The following CA10 variants were observed in gnomAD, a reference collection of about 807,000 sequenced individuals.
CA10 encodes the protein carbonic anhydrase 10 (inactive), also known as carbonic anhydrase-related protein 10.
Under a neutral mutation model 44.2 loss-of-function variants are expected in CA10, and 14 were observed. The ratio of observed to expected loss-of-function variants is 0.32; its 90% CI spans 0.21 to 0.50. The LOEUF (loss-of-function observed/expected upper bound fraction) is 0.50, where lower values mean the gene tolerates loss of function less well. CA10 is among the 20% of genes least tolerant of loss of function. The pLI, the probability that CA10 is intolerant of heterozygous loss-of-function variation, is 0.99. For synonymous variants in CA10, 159 were observed against 141.6 expected, an observed-to-expected ratio of 1.12 and a Z score of -0.87; for missense variants, 350 against 409.7, an observed-to-expected ratio of 0.85 and a Z score of 1.26.
chr17:52,000,615 G>T (rs985757671), intron 2 of CA10, among the ~76,000 whole-genome samples: 1 of 152,036 alleles, frequency 6.6e-6, no homozygotes. Flanking sequence ...AAAATGGCTT[G>T]CTTGAAGGTC....
intron 3 of CA10, among the ~76,000 whole-genome samples, chr17:51,776,918 C>T (rs1199772770): frequency 1.3e-5 from 2 of 152,120 alleles, no homozygotes; most frequent in East Asian, 3.9e-4. Context: ...GCACTCCAGG[C>T]CTGCCTGCGA....
rs997439217 is a variant in CA10, at chr17:51,811,529, T to C, written c.280-63711A>G. On this transcript the variant is annotated intron_variant, in intron 3 of 8. Coordinates refer to ENST00000451037, the MANE Select transcript of CA10 (RefSeq NM_020178.5). ...CAGTTTCCACCTATGAGTGAGAACA[T>C]GTGGTGTTTAGTTCTCTGTCCTTGT... 3.3e-5 allele frequency among the ~76,000 whole-genome samples: 5 copies of C among 152,266 alleles called. No homozygotes were observed. The East Asian group carries it at 7.7e-4, about 24-fold the overall frequency.
intron 3 of CA10, among the ~76,000 whole-genome samples, chr17:51,819,990 T>C (rs1457752193): frequency 6.6e-6 from 1 of 152,130 alleles, no homozygotes; most frequent in Admixed American, 6.5e-5. Context: ...GTTTGAGGGT[T>C]TACTCTGTGC....
intron 3 of CA10, among the ~76,000 whole-genome samples, chr17:51,821,564 C>A (rs1022176183): frequency 6.6e-6 from 1 of 152,028 alleles, no homozygotes; most frequent in Non-Finnish European, 1.5e-5. Flanking sequence ...CCTGCTTTTA[C>A]ATTCACTCCC....
chr17:51,839,040 G>A (rs1978297942), intron 3 of CA10, among the ~76,000 whole-genome samples: 1 of 152,132 alleles, frequency 6.6e-6, no homozygotes, highest in Non-Finnish European at 1.5e-5. Flanking sequence ...CCTAGCACAA[G>A]GCAGGCACTA....
In CA10 at chr17:52,042,881, C is replaced by A. The variant is rs1392177571; in HGVS notation, c.136+29438G>T. 2.6e-5 allele frequency among the ~76,000 whole-genome samples: 4 copies of A among 151,992 alleles called. No homozygotes were observed. The East Asian group carries it at 7.8e-4, about 30-fold the overall frequency. On this transcript the variant is annotated intron_variant, in intron 2 of 8. Coordinates refer to ENST00000451037, the MANE Select transcript of CA10 (RefSeq NM_020178.5). ...CTTTCCCTGTTGTGTATTCTTGACA[C>A]CCTTATCAAAGATGCGTTGAGTGAT...
intron 2 of CA10, among the ~76,000 whole-genome samples, chr17:52,012,618 T>G (rs1183403506): frequency 1.3e-5 from 2 of 152,042 alleles, no homozygotes; most frequent in African/African-American, 2.4e-5. Flanking sequence ...CTATGTTCAG[T>G]ACGTTCAGTG....
intron 4 of CA10, among the ~76,000 whole-genome samples, chr17:51,680,776 G>C (rs1229846334): frequency 6.6e-6 from 1 of 152,116 alleles, no homozygotes; most frequent in Non-Finnish European, 1.5e-5. Flanking sequence ...ACTCTTCTGT[G>C]GTGTAGAATG....
chr17:52,099,692 T>G (rs1404452024), intron 1 of CA10, among the ~76,000 whole-genome samples: 2 of 152,218 alleles, frequency 1.3e-5, no homozygotes, highest in Non-Finnish European at 2.9e-5. Context: ...CCTGGCATAT[T>G]CAGCAGATGG....
At chr17:51,982,916 C>T (rs1054057581) in intron 2 of CA10, among the ~76,000 whole-genome samples, 2 of 151,692 alleles carry the variant, frequency 1.3e-5, no homozygotes, top group African/African-American at 2.4e-5. Flanking sequence ...TTTGAAATAC[C>T]ATCACTCCTA....
intron 1 of CA10, among the ~76,000 whole-genome samples, chr17:52,119,476 A>G (rs1988966963): frequency 1.3e-5 from 2 of 152,154 alleles, no homozygotes; most frequent in African/African-American, 4.8e-5. Context: ...CATGGTAAGT[A>G]AAGAATGTTG....
intron 2 of CA10, among the ~76,000 whole-genome samples, chr17:51,964,646 C>T (rs1984013442): frequency 6.6e-6 from 1 of 151,750 alleles, no homozygotes; most frequent in South Asian, 2.1e-4. Context: ...AATATAACAA[C>T]TTGCTTCTGA....
intron 4 of CA10, among the ~76,000 whole-genome samples, chr17:51,692,302 T>A (rs1288918577): frequency 1.3e-5 from 2 of 151,252 alleles, no homozygotes; most frequent in African/African-American, 4.9e-5. Flanking sequence ...TTCAGATTGA[T>A]CACTGTTAAC....
At chr17:51,806,464 G>T (rs1476883978) in intron 3 of CA10, among the ~76,000 whole-genome samples, 1 of 152,146 alleles carries the variant, frequency 6.6e-6, no homozygotes, top group African/African-American at 2.4e-5. Context: ...TTGGTGGATT[G>T]CATGGGGAAA....
At chr17:51,699,094 G>A (rs1915498980) in intron 4 of CA10, among the ~76,000 whole-genome samples, 1 of 152,172 alleles carries the variant, frequency 6.6e-6, no homozygotes, top group Non-Finnish European at 1.5e-5. Flanking sequence ...GCCAAGGTGG[G>A]TGGATCACCT....
intron 1 of CA10, among the ~76,000 whole-genome samples, chr17:52,081,602 C>A (rs1321350108): frequency 3.9e-5 from 6 of 152,112 alleles, no homozygotes; most frequent in Admixed American, 6.5e-5. Context: ...AGATCGAGAC[C>A]ATCCCGGCTA....
chr17:51,825,167 C>G (rs950058576), intron 3 of CA10, among the ~76,000 whole-genome samples: 1 of 152,210 alleles, frequency 6.6e-6, no homozygotes, highest in Admixed American at 6.5e-5. Flanking sequence ...CAGAGCCTCG[C>G]TGCATTTTCC....
intron 3 of CA10, among the ~76,000 whole-genome samples, chr17:51,795,035 T>C (rs1906653951): frequency 6.6e-6 from 1 of 152,202 alleles, no homozygotes; most frequent in South Asian, 2.1e-4. Context: ...CTTCCAGATT[T>C]TCCAGAAGTT....
chr17:52,007,490 G>T (rs2144129201), intron 2 of CA10, among the ~76,000 whole-genome samples: 1 of 151,582 alleles, frequency 6.6e-6, no homozygotes, highest in African/African-American at 2.4e-5. Flanking sequence ...TGAAGTGATT[G>T]TGTGATTGTT....
Sources: allele counts gnomAD v4.1 joint callset (sites outside exome capture counted in the v4.1 genomes callset), GRCh38; gene constraint gnomAD v4.1.1; transcripts MANE v1.5; gene names NCBI Gene and HGNC (gene_info 2026-07-23, HGNC 2026-07-21).